The following SLC44A1 variants were observed in gnomAD, a reference collection of about 807,000 sequenced individuals.
The protein encoded by SLC44A1 is solute carrier family 44 member 1.
In SLC44A1, 26 loss-of-function variants were observed where a neutral mutation model predicts 79.3. That is an observed-to-expected ratio of 0.33 (90% confidence interval 0.24 to 0.46). SLC44A1 has a LOEUF of 0.46. Among genes scored for constraint, SLC44A1 ranks in the 20% least tolerant of loss-of-function variants. The probability of loss-of-function intolerance (pLI) is 1.00; values close to 1 mark genes in which losing one functional copy is unlikely to be tolerated. For synonymous variants in SLC44A1, 263 were observed against 286.2 expected (o/e 0.92, Z 0.82); for missense variants, 688 against 798.1 (o/e 0.86, Z 1.66).
chr9:105,354,340 G>A (rs1161945119), intron 5 of SLC44A1, among the ~76,000 whole-genome samples: 2 of 151,930 alleles, frequency 1.3e-5, no homozygotes, highest in East Asian at 1.9e-4. Context: ...GTGAGCCACC[G>A]CGCCCGGCCA....
At chr9:105,273,443 T>C (rs989587395) in intron 1 of SLC44A1, among the ~76,000 whole-genome samples, 1 of 152,240 alleles carries the variant, frequency 6.6e-6, no homozygotes, top group African/African-American at 2.4e-5. Flanking sequence ...TGGATTACAT[T>C]TGGCTTTTAT....
rs1828876375 is a variant in SLC44A1, at chr9:105,396,438, A to G, written c.*7382A>G. The G allele has an allele frequency of 1.0e-6, 1 of 985,484 alleles. No homozygotes were observed. The highest frequency in any genetic ancestry group is 1.2e-6 in the Non-Finnish European group (1 of 829,950). The allele number at this position is 985,484 out of a possible 1,614,324, so 61.0% of individuals were successfully genotyped here. A position where few individuals can be genotyped will look rare whatever the true frequency, so the allele number is the denominator to read the frequency against. Reference sequence around the variant, plus strand: ...CTATCTTCTGAAGACCAAAGGTCCAACTTTACTTACTGGCTGGCACAGCCT... The same window carrying G: ...CTATCTTCTGAAGACCAAAGGTCCAGCTTTACTTACTGGCTGGCACAGCCT... On this transcript the variant is annotated 3_prime_UTR_variant, in exon 16 of 16. Transcript: ENST00000374720.
intron 15 of SLC44A1, among the ~76,000 whole-genome samples, chr9:105,415,991 TC>T (rs1389099426): frequency 2.4e-4 from 34 of 142,086 alleles, no homozygotes; most frequent in African/African-American, 9.0e-4. Context: ...AACCTCCACC[TC>T]CCGGGTTCCA....
chr9:105,302,893 T>G (rs1830918135), intron 2 of SLC44A1, among the ~76,000 whole-genome samples: 1 of 152,146 alleles, frequency 6.6e-6, no homozygotes, highest in African/African-American at 2.4e-5. Flanking sequence ...TTCAGGCAGA[T>G]CACTCTGGAG....
Position 105,362,991 on chromosome 9 carries a change from T to C in SLC44A1, c.1071T>C (p.Leu357=). 1 of 1,606,884 alleles carries C rather than the reference T, an allele frequency of 6.2e-7. No individual in the cohort carries two copies. The highest frequency in any genetic ancestry group is 8.5e-7 in the Non-Finnish European group (1 of 1,177,580). Residue 357 remains leucine, a synonymous_variant, in exon 9 of 16, where the codon CTT becomes CTC. Transcript: ENST00000374720. ...LFWVYWIMTL[L]FLGTTGSPVQ... is the part of the protein sequence containing the mutation. ...GGGTGTACTGGATCATGACACTTCT[T>C]TTTCTTGGCACTACCGGTAAGAAGA...
At chr9:105,418,133 T>A (rs1829196864) in intron 15 of SLC44A1, among the ~76,000 whole-genome samples, 1 of 151,658 alleles carries the variant, frequency 6.6e-6, no homozygotes, top group South Asian at 2.1e-4. Context: ...CTGGCCATGG[T>A]GAAACTCCAT....
Position 105,394,920 on chromosome 9 carries a change from A to G in SLC44A1, c.*5864A>G, listed in dbSNP as rs539916951. ...CCACCCCCAGTCCCTTACCTACTCTATCTTCTTTAGGGAAGCATGTGGATT... is the reference window on the plus strand; with the variant it reads ...CCACCCCCAGTCCCTTACCTACTCTGTCTTCTTTAGGGAAGCATGTGGATT... On this transcript the variant is annotated 3_prime_UTR_variant, in exon 16 of 16. Coordinates refer to ENST00000374720, the MANE Select transcript of SLC44A1 (RefSeq NM_080546.5). The G allele has an allele frequency of 1.2e-5, 12 of 985,352 alleles. No homozygotes were observed. The highest frequency in any genetic ancestry group is 9.4e-5 in the South Asian group (2 of 21,288). 61.0% of individuals were successfully genotyped at this position (985,352 alleles called of 1,614,324 possible).
chr9:105,400,666 T>C (rs1230730170), downstream of SLC44A1, among the ~76,000 whole-genome samples: 1 of 152,160 alleles, frequency 6.6e-6, no homozygotes, highest in Non-Finnish European at 1.5e-5. Flanking sequence ...ATATGAAATA[T>C]TGATTTATTA....
At chr9:105,265,959 C>CTG (rs1007058265) in intron 1 of SLC44A1, among the ~76,000 whole-genome samples, 18 of 151,472 alleles carry the variant, frequency 1.2e-4, no homozygotes, top group African/African-American at 4.1e-4. Flanking sequence ...CTCTCTTTCT[C>CTG]TGTGTGTGTG....
chr9:105,359,317 T>C (rs1253392380), intron 7 of SLC44A1, among the ~76,000 whole-genome samples: 1 of 152,072 alleles, frequency 6.6e-6, no homozygotes, highest in Non-Finnish European at 1.5e-5. Flanking sequence ...AAAAGTAAAC[T>C]GTTAAGTTAG....
At chr9:105,330,167 A>G (rs115397394) in intron 3 of SLC44A1, among the ~76,000 whole-genome samples, 2,489 of 152,288 alleles carry the variant, frequency 0.016, 66 homozygotes, top group African/African-American at 0.057. Context: ...GTACAGCCCT[A>G]TATCATGTAC....
chr9:105,247,116 AT>A (rs1829474298), intron 1 of SLC44A1, among the ~76,000 whole-genome samples: 1 of 143,744 alleles, frequency 7.0e-6, no homozygotes, highest in African/African-American at 2.6e-5. Flanking sequence ...CTTATTTGAG[AT>A]TTTTGGCATC....
At chr9:105,273,226 G>A (rs753027762) in intron 1 of SLC44A1, among the ~76,000 whole-genome samples, 32 of 152,102 alleles carry the variant, frequency 2.1e-4, no homozygotes, top group South Asian at 4.1e-4. Context: ...TCCCGACCTC[G>A]GGTGATCCAC....
chr9:105,340,905 C>T (rs1015679366), intron 4 of SLC44A1, among the ~76,000 whole-genome samples: 30 of 152,154 alleles, frequency 2.0e-4, no homozygotes, highest in Non-Finnish European at 1.3e-4. Flanking sequence ...TTTTCTTGGG[C>T]ACTTAGAGTT....
chr9:105,433,807 A>G (rs1213660153), intron 15 of SLC44A1, among the ~76,000 whole-genome samples: 1 of 151,922 alleles, frequency 6.6e-6, no homozygotes, highest in South Asian at 2.1e-4. Context: ...AAGTCATTAT[A>G]CAATGAAGCA....
At chr9:105,329,648 G>T (rs1225442191) in intron 3 of SLC44A1, among the ~76,000 whole-genome samples, 3 of 152,092 alleles carry the variant, frequency 2.0e-5, no homozygotes, top group Non-Finnish European at 4.4e-5. Context: ...AGATCTTCCA[G>T]ATTCTAAGGA....
At chr9:105,254,676 G>A (rs1829663306) in intron 1 of SLC44A1, among the ~76,000 whole-genome samples, 1 of 152,194 alleles carries the variant, frequency 6.6e-6, no homozygotes, top group African/African-American at 2.4e-5. Context: ...TAGTGATGCT[G>A]CTCAAGCCAT....
chr9:105,249,243 A>G, intron 1 of SLC44A1, among the ~76,000 whole-genome samples: 1 of 152,256 alleles, frequency 6.6e-6, no homozygotes, highest in East Asian at 1.9e-4. Flanking sequence ...TGCTTTAACA[A>G]TTTTAATAAT....
chr9:105,417,795 G>C (rs2131512783), intron 15 of SLC44A1, among the ~76,000 whole-genome samples: 1 of 145,642 alleles, frequency 6.9e-6, no homozygotes, highest in South Asian at 2.2e-4. Flanking sequence ...TTGTAGTCAG[G>C]AGTTTGAGAC....
Sources: allele counts gnomAD v4.1 joint callset (sites outside exome capture counted in the v4.1 genomes callset), GRCh38; gene constraint gnomAD v4.1.1; transcripts MANE v1.5; gene names NCBI Gene and HGNC (gene_info 2026-07-23, HGNC 2026-07-21).